SLC24A2: variants seen among roughly 807,000 people sequenced by gnomAD.
SLC24A2 encodes solute carrier family 24 member 2, also known as sodium/potassium/calcium exchanger 2.
SLC24A2 carries 36 observed loss-of-function variants against 62.0 expected under a neutral mutation model. The ratio of observed to expected loss-of-function variants is 0.58; its 90% CI spans 0.44 to 0.77. The LOEUF (loss-of-function observed/expected upper bound fraction) is 0.77, where lower values mean the gene tolerates loss of function less well. Ranked by LOEUF, SLC24A2 falls within the 30% of genes least tolerant of loss-of-function variation. SLC24A2 has a pLI of 0.00. For missense variants in SLC24A2, 846 were observed against 817.9 expected, an observed-to-expected ratio of 1.03 and a Z score of -0.42; for synonymous variants, 358 against 294.0, an observed-to-expected ratio of 1.22 and a Z score of -2.23.
the SLC24A2 span, among the ~76,000 whole-genome samples, chr9:20,271,965 C>T: frequency 1.4e-5 from 2 of 139,388 alleles, no homozygotes; most frequent in African/African-American, 2.7e-5. Flanking sequence ...TGCTGCCCAT[C>T]TGGAGGGGGA....
At chr9:19,823,543 C>T in the SLC24A2 span, among the ~76,000 whole-genome samples, 5 of 152,156 alleles carry the variant, frequency 3.3e-5, no homozygotes, top group Middle Eastern at 6.8e-3. Flanking sequence ...GCAGGAAAAT[C>T]GTTTGAACCA....
the SLC24A2 span, among the ~76,000 whole-genome samples, chr9:19,949,951 G>A: frequency 3.3e-5 from 5 of 152,242 alleles, no homozygotes; most frequent in African/African-American, 4.8e-5. Context: ...GCGGCACCCG[G>A]GAACTTATTA....
chr9:20,306,477 C>T, the SLC24A2 span, among the ~76,000 whole-genome samples: 4 of 152,198 alleles, frequency 2.6e-5, no homozygotes, highest in Non-Finnish European at 5.9e-5. Context: ...GACCCAAAGG[C>T]TTCTGCAAAC....
intron 8 of SLC24A2, among the ~76,000 whole-genome samples, chr9:19,547,355 G>T (rs951871703): frequency 6.6e-6 from 1 of 152,176 alleles, no homozygotes; most frequent in Non-Finnish European, 1.5e-5. Flanking sequence ...ACTGCACAGG[G>T]AGCAGTGGAC....
chr9:19,622,681 A>C (rs1357707325), intron 2 of SLC24A2, among the ~76,000 whole-genome samples: 1 of 152,208 alleles, frequency 6.6e-6, no homozygotes, highest in African/African-American at 2.4e-5. Context: ...AACATTTATA[A>C]ATATTTATTG....
the SLC24A2 span, among the ~76,000 whole-genome samples, chr9:19,871,926 A>T: frequency 6.6e-6 from 1 of 152,226 alleles, no homozygotes; most frequent in African/African-American, 2.4e-5. Context: ...CATATTTAAC[A>T]AACTTGCAAT....
At chr9:20,235,006 A>T in the SLC24A2 span, among the ~76,000 whole-genome samples, 9 of 152,034 alleles carry the variant, frequency 5.9e-5, no homozygotes, top group African/African-American at 1.9e-4. Flanking sequence ...GACCCTGTTC[A>T]CCTGGGTATC....
chr9:20,009,967 T>C, the SLC24A2 span, among the ~76,000 whole-genome samples: 1 of 152,178 alleles, frequency 6.6e-6, no homozygotes, highest in Non-Finnish European at 1.5e-5. Flanking sequence ...ATGGCCATGC[T>C]GAACCACAAA....
At chr9:19,832,564 TC>T in the SLC24A2 span, among the ~76,000 whole-genome samples, 1 of 152,172 alleles carries the variant, frequency 6.6e-6, no homozygotes, top group Non-Finnish European at 1.5e-5. Context: ...CTGGATCCCT[TC>T]CTTACACCTT....
chr9:20,303,254 G>A, the SLC24A2 span, among the ~76,000 whole-genome samples: 3 of 152,080 alleles, frequency 2.0e-5, no homozygotes, highest in East Asian at 5.8e-4. Context: ...AGGGGAAACA[G>A]GGGCCTCCAA....
chr9:19,841,577 T>A, the SLC24A2 span, among the ~76,000 whole-genome samples: 6 of 152,198 alleles, frequency 3.9e-5, no homozygotes, highest in Non-Finnish European at 5.9e-5. Context: ...AGCTCTTAAT[T>A]CACCTTTTTG....
At chr9:19,940,292 TG>T in the SLC24A2 span, among the ~76,000 whole-genome samples, 2 of 152,256 alleles carry the variant, frequency 1.3e-5, no homozygotes, top group South Asian at 4.1e-4. Context: ...TTTTGCCAAC[TG>T]TTCCATATAA....
the SLC24A2 span, among the ~76,000 whole-genome samples, chr9:20,189,634 C>G: frequency 1.3e-5 from 2 of 152,204 alleles, no homozygotes; most frequent in Non-Finnish European, 2.9e-5. Flanking sequence ...GAGCTCTCAA[C>G]AGCTTTGAAT....
At chr9:20,098,030 C>T in the SLC24A2 span, among the ~76,000 whole-genome samples, 125 of 152,098 alleles carry the variant, frequency 8.2e-4, no homozygotes, top group African/African-American at 2.8e-3. Context: ...GCGGAGCCAC[C>T]GCGCCTGGCC....
the SLC24A2 span, among the ~76,000 whole-genome samples, chr9:19,809,204 T>C: frequency 2.6e-5 from 4 of 152,158 alleles, no homozygotes; most frequent in South Asian, 4.1e-4. Flanking sequence ...ATAGTTTTGG[T>C]TTTCTTTCTA....
chr9:19,625,393 A>G (rs1818007649), intron 2 of SLC24A2, among the ~76,000 whole-genome samples: 1 of 152,180 alleles, frequency 6.6e-6, no homozygotes, highest in Admixed American at 6.6e-5. Flanking sequence ...TACACACACA[A>G]CTATTCTTTG....
At chr9:20,101,945 T>C in the SLC24A2 span, among the ~76,000 whole-genome samples, 1 of 152,122 alleles carries the variant, frequency 6.6e-6, no homozygotes, top group Non-Finnish European at 1.5e-5. Flanking sequence ...AGCTTAACAG[T>C]GGAGAGAAAG....
rs1216546225 is a variant in SLC24A2 at position 19,509,307 on chromosome 9, AAC to A, written c.*6844_*6845del. On this transcript the variant is annotated 3_prime_UTR_variant, in exon 11 of 11. Coordinates refer to ENST00000341998, the MANE Select transcript of SLC24A2 (RefSeq NM_020344.4). Reference sequence around the variant, plus strand: ...AAATGAATAATTTCTTTGATTTTCAAACAGTTTTATTAAAGCACACATCTAAA... The same window carrying A: ...AAATGAATAATTTCTTTGATTTTCAAAGTTTTATTAAAGCACACATCTAAA... 5 of 152,192 alleles carry A rather than the reference AAC, an allele frequency of 3.3e-5. No homozygotes were observed. Among genetic ancestry groups the A allele is most frequent in the African/African-American group, 1.2e-4 (5 of 41,460 alleles). 9.4% of individuals were successfully genotyped at this position (152,192 alleles called of 1,614,324 possible).
At chr9:19,528,432 T>G (rs1409028974) in intron 8 of SLC24A2, among the ~76,000 whole-genome samples, 1 of 152,206 alleles carries the variant, frequency 6.6e-6, no homozygotes, top group Non-Finnish European at 1.5e-5. Context: ...CCTCTGCTCT[T>G]GTCCTTTCTA....
Sources: gnomAD v4.1 joint callset for allele counts (sites outside exome capture counted in the v4.1 genomes callset) on GRCh38, gnomAD v4.1.1 for gene constraint, MANE v1.5 for transcripts, NCBI Gene and HGNC (gene_info 2026-07-23, HGNC 2026-07-21) for gene names.